The following MAN1A1 variants were observed in gnomAD, a reference collection of about 807,000 sequenced individuals.
MAN1A1 encodes mannosidase alpha class 1A member 1, also known as mannosyl-oligosaccharide 1,2-alpha-mannosidase IA.
MAN1A1 carries 29 observed loss-of-function variants against 70.8 expected under a neutral mutation model. The ratio of observed to expected loss-of-function variants is 0.41; its 90% CI spans 0.31 to 0.56. MAN1A1 has a LOEUF of 0.56. Among genes scored for constraint, MAN1A1 ranks in the 20% least tolerant of loss-of-function variants. The probability of loss-of-function intolerance (pLI) is 0.29; values close to 1 mark genes in which losing one functional copy is unlikely to be tolerated. For synonymous variants in MAN1A1, 349 were observed against 330.1 expected (o/e 1.06, Z -0.62); for missense variants, 747 against 841.3 (o/e 0.89, Z 1.39).
At chr6:119,294,084 A>G (rs922580814) in intron 4 of MAN1A1, among the ~76,000 whole-genome samples, 2 of 152,110 alleles carry the variant, frequency 1.3e-5, no homozygotes, top group African/African-American at 4.8e-5. Flanking sequence ...CAGAAACTTT[A>G]GAATCATAAA....
At chr6:119,290,513 G>A (rs1342186535) in intron 5 of MAN1A1, among the ~76,000 whole-genome samples, 170 bp downstream of exon 5, 1 of 151,914 alleles carries the variant, frequency 6.6e-6, no homozygotes, top group African/African-American at 2.4e-5. Flanking sequence ...TTCCCAGCTT[G>A]CTCATTTCAT....
At chr6:119,334,209 G>A (rs1314151544) in intron 2 of MAN1A1, among the ~76,000 whole-genome samples, 2 of 152,128 alleles carry the variant, frequency 1.3e-5, no homozygotes, top group Non-Finnish European at 2.9e-5. Flanking sequence ...ACCATCAACA[G>A]CAAGCAGATT....
intron 5 of MAN1A1, among the ~76,000 whole-genome samples, chr6:119,276,918 A>G (rs1451664480): frequency 6.6e-6 from 1 of 152,208 alleles, no homozygotes; most frequent in Non-Finnish European, 1.5e-5. Flanking sequence ...AATGTCAAGA[A>G]TGAAAAACAA....
At chr6:119,319,228 G>T (rs556840983) in intron 2 of MAN1A1, among the ~76,000 whole-genome samples, 1 of 152,006 alleles carries the variant, frequency 6.6e-6, no homozygotes. Flanking sequence ...ATTTTCTATG[G>T]ACTGAAGATC....
intron 8 of MAN1A1, among the ~76,000 whole-genome samples, chr6:119,195,068 T>A (rs1773534082): frequency 1.3e-5 from 2 of 152,052 alleles, no homozygotes; most frequent in African/African-American, 4.8e-5. Context: ...CCTGACCTGA[T>A]GATCTGCCTG....
intron 2 of MAN1A1, among the ~76,000 whole-genome samples, chr6:119,316,812 T>C (rs985189644): frequency 7.9e-5 from 12 of 152,124 alleles, no homozygotes; most frequent in Middle Eastern, 3.2e-3. Context: ...ACTATGAGGT[T>C]ATCACTAGTA....
intron 5 of MAN1A1, among the ~76,000 whole-genome samples, chr6:119,272,688 A>G (rs1775957198): frequency 6.6e-6 from 1 of 152,176 alleles, no homozygotes; most frequent in Non-Finnish European, 1.5e-5. Context: ...AATTTTTTTT[A>G]AAGAATACAA....
intron 11 of MAN1A1, among the ~76,000 whole-genome samples, chr6:119,186,829 T>C (rs572976683): frequency 1.3e-5 from 2 of 152,146 alleles, no homozygotes; most frequent in Middle Eastern, 3.2e-3. Context: ...TCCCAGTTTT[T>C]CTGGTTTAAA....
intron 6 of MAN1A1, among the ~76,000 whole-genome samples, chr6:119,230,493 C>G (rs1774646502): frequency 6.6e-6 from 1 of 152,170 alleles, no homozygotes; most frequent in Non-Finnish European, 1.5e-5. Context: ...AGAGTTTTGA[C>G]ACTCCACATG....
chr6:119,230,390 C>G (rs778617077), intron 6 of MAN1A1, among the ~76,000 whole-genome samples: 65 of 152,308 alleles, frequency 4.3e-4, no homozygotes, highest in Admixed American at 1.5e-3. Context: ...ACCACAGAGT[C>G]TGTCAGTGTT....
intron 5 of MAN1A1, among the ~76,000 whole-genome samples, chr6:119,281,686 T>C (rs773375823): frequency 3.9e-5 from 6 of 152,310 alleles, no homozygotes; most frequent in Non-Finnish European, 7.4e-5. Flanking sequence ...TATTTCTCAC[T>C]GATGTGAATT....
chr6:119,343,859 A>G (rs1773660341), intron 2 of MAN1A1, among the ~76,000 whole-genome samples: 1 of 152,236 alleles, frequency 6.6e-6, no homozygotes, highest in Non-Finnish European at 1.5e-5. Flanking sequence ...TGACTGGGTT[A>G]GGAGGTATAA....
At position 119,348,659 on chromosome 6, in the gene MAN1A1, T is replaced by A. The variant is rs771442621; in HGVS notation, c.407A>T (p.Lys136Met). ...CTCGGGCAGCTTCTGCAGGGTCTCC[T>A]TGGCTTCCCTGAGAGCCCGCTCGTG... ...ENHERALREA[K>M]ETLQKLPEEI... The change falls in exon 2 of 13, where the codon AAG becomes ATG. Residue 136 changes from lysine to methionine, a missense_variant. By Grantham distance (95) the Lys-to-Met change is moderately conservative (BLOSUM62 -1). Transcript: ENST00000368468. The A allele has an allele frequency of 6.2e-7, 1 of 1,613,260 alleles. No individual in the cohort carries two copies. Among genetic ancestry groups the A allele is most frequent in the Admixed American group, 1.7e-5 (1 of 59,938 alleles).
rs188076692 is a variant in MAN1A1 at position 119,241,210 on chromosome 6, T to C, written c.992+7050A>G. Among the ~76,000 whole-genome samples the C allele has an allele frequency of 2.3e-3, 346 of 152,286 alleles. 3 individuals carry two copies. Among genetic ancestry groups the C allele is most frequent in the Non-Finnish European group, 3.8e-3 (257 of 68,020 alleles). ...AAACTCTGTTTGGGTAATTACTGCTTGGAATTGGCTGCTTTCCAGAAGAAG... is the reference window on the plus strand; with the variant it reads ...AAACTCTGTTTGGGTAATTACTGCTCGGAATTGGCTGCTTTCCAGAAGAAG... On this transcript the variant is annotated intron_variant, in intron 6 of 12. Transcript: ENST00000368468.
chr6:119,289,361 T>G (rs1776469702), intron 5 of MAN1A1, among the ~76,000 whole-genome samples: 2 of 151,942 alleles, frequency 1.3e-5, no homozygotes, highest in Admixed American at 6.6e-5. Flanking sequence ...CATTGGATAC[T>G]CAAAGACAAG....
chr6:119,202,315 T>C (rs1309792451), intron 7 of MAN1A1, among the ~76,000 whole-genome samples: 1 of 152,176 alleles, frequency 6.6e-6, no homozygotes, highest in Non-Finnish European at 1.5e-5. Flanking sequence ...AGCTTAGGAC[T>C]CCACAGGACC....
At chr6:119,318,766 C>T (rs545795502) in intron 2 of MAN1A1, among the ~76,000 whole-genome samples, 2 of 152,244 alleles carry the variant, frequency 1.3e-5, no homozygotes, top group South Asian at 4.1e-4. Flanking sequence ...CAGAACTTTG[C>T]TTTACATACA....
chr6:119,249,122 AAAAGT>A (rs1321626905), intron 5 of MAN1A1, among the ~76,000 whole-genome samples: 1 of 152,122 alleles, frequency 6.6e-6, no homozygotes, highest in Non-Finnish European at 1.5e-5. Flanking sequence ...GTGAAGATTG[AAAAGT>A]AAAGAGGGAA....
In MAN1A1 at chr6:119,320,556, A is replaced by G. The variant is rs533898798; in HGVS notation, c.604-13564T>C. ...ATAAATAGTATGATTTACCAAAAAAATTACAGTAGCCAAGTCCTCTGATTA... is the reference window on the plus strand; with the variant it reads ...ATAAATAGTATGATTTACCAAAAAAGTTACAGTAGCCAAGTCCTCTGATTA... On this transcript the variant is annotated intron_variant, in intron 2 of 12. Transcript: ENST00000368468. Among the ~76,000 whole-genome samples, 8 of 152,248 alleles carry G rather than the reference A, an allele frequency of 5.3e-5. No individual in the cohort carries two copies. The East Asian group carries it at 1.5e-3, about 29-fold the overall frequency.
Sources: gnomAD v4.1 joint callset for allele counts (sites outside exome capture counted in the v4.1 genomes callset) on GRCh38, gnomAD v4.1.1 for gene constraint, MANE v1.5 for transcripts, NCBI Gene and HGNC (gene_info 2026-07-23, HGNC 2026-07-21) for gene names.